Variants in GRIA4 observed in about 807,000 individuals in gnomAD.
GRIA4 encodes glutamate receptor 4.
GRIA4 carries 34 observed loss-of-function variants against 104.0 expected under a neutral mutation model. That is an observed-to-expected ratio of 0.33 (90% CI 0.25 to 0.44). The LOEUF (loss-of-function observed/expected upper bound fraction) is 0.44, where lower values mean the gene tolerates loss of function less well. GRIA4 is among the 20% of genes least tolerant of loss of function. The probability of loss-of-function intolerance (pLI) is 1.00; values close to 1 mark genes in which losing one functional copy is unlikely to be tolerated. For missense variants in GRIA4, 750 were observed against 1,096.5 expected (o/e 0.68, Z 4.46); for synonymous variants, 386 against 381.9 (o/e 1.01, Z -0.13).
chr11:105,787,650 A>AT (rs920167810), intron 4 of GRIA4, among the ~76,000 whole-genome samples: 16 of 112,346 alleles, frequency 1.4e-4, no homozygotes, highest in African/African-American at 5.6e-4. Context: ...TAATTTTTGT[A>AT]TTTTTTAGTA....
At position 105,674,927 on chromosome 11, in the gene GRIA4, C is replaced by A. The variant is rs75157918; in HGVS notation, c.247+62493C>A. On this transcript the variant is annotated intron_variant, in intron 3 of 16. Transcript: ENST00000282499. ...TCTTACAGATGAAAATATTAACCCTCTCTTCTTAATCCTCAGAGACTTGTG... is the reference window on the plus strand; with the variant it reads ...TCTTACAGATGAAAATATTAACCCTATCTTCTTAATCCTCAGAGACTTGTG... Among the ~76,000 whole-genome samples the A allele has an allele frequency of 7.8e-3, 1,185 of 152,040 alleles. 17 individuals are homozygous for A. The highest frequency in any genetic ancestry group is 0.044 in the East Asian group (229 of 5,172).
intron 4 of GRIA4, among the ~76,000 whole-genome samples, chr11:105,797,142 A>C (rs1942510299): frequency 6.6e-6 from 1 of 152,030 alleles, no homozygotes. Flanking sequence ...CCAGGAAGTA[A>C]AGGCTGCAGT....
At chr11:105,663,447 A>G (rs371919944) in intron 3 of GRIA4, among the ~76,000 whole-genome samples, 50 of 152,096 alleles carry the variant, frequency 3.3e-4, no homozygotes, top group African/African-American at 1.2e-3. Flanking sequence ...AGGAACTCAT[A>G]GTCTCACGGG....
At chr11:105,676,873 T>C (rs1385276524) in intron 3 of GRIA4, among the ~76,000 whole-genome samples, 1 of 151,766 alleles carries the variant, frequency 6.6e-6, no homozygotes, top group Non-Finnish European at 1.5e-5. Flanking sequence ...TACATAATCC[T>C]GTCTGTGTTA....
chr11:105,612,405 C>T lies in GRIA4; in HGVS notation c.218C>T (p.Thr73Ile). Reference sequence around the variant, plus strand: ...GTACCTCATGTGGACAACATTGAGACAGCCAACAGTTTTGCTGTAACAAAC... The same window carrying T: ...GTACCTCATGTGGACAACATTGAGATAGCCAACAGTTTTGCTGTAACAAAC... ...NLVPHVDNIE[T>I]ANSFAVTNAF... is the part of the protein sequence containing the mutation. The change falls in exon 3 of 17, where the codon ACA becomes ATA. Residue 73 changes from threonine to isoleucine, a missense_variant. Around this residue, in one of 3 missense-constraint regions of GRIA4, gnomAD observed 410 missense variants for 502.7 expected, o/e 0.82. Coordinates refer to ENST00000282499, the MANE Select transcript of GRIA4 (RefSeq NM_000829.4). The T allele has an allele frequency of 6.2e-7, 1 of 1,614,088 alleles. No individual in the cohort carries two copies. The highest frequency in any genetic ancestry group is 8.5e-7 in the Non-Finnish European group (1 of 1,179,936).
chr11:105,770,969 T>C (rs1440953385), intron 4 of GRIA4, among the ~76,000 whole-genome samples: 1 of 152,066 alleles, frequency 6.6e-6, no homozygotes, highest in Non-Finnish European at 1.5e-5. Context: ...TTTTCTTTCA[T>C]AGTCGAAGAT....
At chr11:105,705,813 A>G (rs1953676129) in intron 3 of GRIA4, among the ~76,000 whole-genome samples, 1 of 152,230 alleles carries the variant, frequency 6.6e-6, no homozygotes, top group Admixed American at 6.5e-5. Flanking sequence ...GGCAATGCCA[A>G]CTTGCACACC....
In GRIA4 at chr11:105,979,810, C is replaced by G; in HGVS notation, c.*71C>G. On this transcript the variant is annotated 3_prime_UTR_variant, in exon 17 of 17. Coordinates refer to ENST00000282499, the MANE Select transcript of GRIA4 (RefSeq NM_000829.4). ...GGTGGAAACGCAGCCCTGAGGGACA[C>G]GCCACGCGCGGGTCTTTGCTAAACC... 1 of 1,160,640 alleles carries G rather than the reference C, an allele frequency of 8.6e-7. No individual in the cohort carries two copies. The highest frequency in any genetic ancestry group is 1.4e-5 in the South Asian group (1 of 73,446). The allele number at this position is 1,160,640 out of a possible 1,614,324, so 71.9% of individuals were successfully genotyped here.
intron 3 of GRIA4, among the ~76,000 whole-genome samples, chr11:105,717,505 G>A (rs994397695): frequency 6.6e-6 from 1 of 151,710 alleles, no homozygotes; most frequent in Non-Finnish European, 1.5e-5. Context: ...ATATGTTTCT[G>A]AATTTCTAAA....
At chr11:105,722,030 G>A (rs1937857719) in intron 3 of GRIA4, among the ~76,000 whole-genome samples, 1 of 152,108 alleles carries the variant, frequency 6.6e-6, no homozygotes, top group African/African-American at 2.4e-5. Context: ...AGCTATTCTT[G>A]ATATCTTAAA....
intron 3 of GRIA4, among the ~76,000 whole-genome samples, chr11:105,750,484 A>C (rs533334979): frequency 3.9e-5 from 6 of 152,260 alleles, no homozygotes; most frequent in African/African-American, 1.2e-4. Context: ...GAAGAATGAC[A>C]GACAACTATG....
At chr11:105,736,596 A>G (rs541924279) in intron 3 of GRIA4, among the ~76,000 whole-genome samples, 1 of 152,232 alleles carries the variant, frequency 6.6e-6, no homozygotes, top group African/African-American at 2.4e-5. Flanking sequence ...AAGTTACTTT[A>G]TATACATAAT....
At chr11:105,628,841 C>T (rs143979289) in intron 3 of GRIA4, among the ~76,000 whole-genome samples, 4 of 152,006 alleles carry the variant, frequency 2.6e-5, no homozygotes, top group African/African-American at 9.7e-5. Context: ...GATTAGAAAA[C>T]AAGTTTCAAT....
intron 10 of GRIA4, among the ~76,000 whole-genome samples, chr11:105,916,600 T>C (rs1210268799): frequency 6.6e-6 from 1 of 152,158 alleles, no homozygotes; most frequent in Non-Finnish European, 1.5e-5. Flanking sequence ...AATGTTTGAT[T>C]AAATAACAAA....
chr11:105,797,605 T>C, intron 4 of GRIA4: 1 of 257,138 alleles, frequency 3.9e-6, no homozygotes, highest in Non-Finnish European at 7.9e-6. Flanking sequence ...TGCAGTGTCC[T>C]TCCCATCTGA....
chr11:105,804,779 G>A (rs923829053), intron 4 of GRIA4, among the ~76,000 whole-genome samples: 8 of 151,946 alleles, frequency 5.3e-5, no homozygotes, highest in African/African-American at 1.9e-4. Context: ...AGAAAAGCAT[G>A]TTTTACTTGA....
intron 3 of GRIA4, among the ~76,000 whole-genome samples, chr11:105,677,285 C>G (rs1377189290): frequency 6.6e-6 from 1 of 151,798 alleles, no homozygotes; most frequent in African/African-American, 2.4e-5. Flanking sequence ...AAGAGAAGGT[C>G]AGAGTGATAA....
chr11:105,922,617 A>G (rs1428826680), intron 11 of GRIA4, among the ~76,000 whole-genome samples: 2 of 152,152 alleles, frequency 1.3e-5, no homozygotes, highest in Non-Finnish European at 2.9e-5. Flanking sequence ...ATTAAAACTT[A>G]CTTTTAACTT....
intron 4 of GRIA4, among the ~76,000 whole-genome samples, chr11:105,799,162 T>C (rs1321377632): frequency 6.6e-6 from 1 of 151,554 alleles, no homozygotes; most frequent in Admixed American, 6.6e-5. Flanking sequence ...ACTAGGTGAG[T>C]ATGTTTAGAT....
Sources: allele counts gnomAD v4.1 joint callset (sites outside exome capture counted in the v4.1 genomes callset), GRCh38; gene constraint gnomAD v4.1.1; regional missense constraint gnomAD v4.1.1; transcripts MANE v1.5; gene names NCBI Gene and HGNC (gene_info 2026-07-23, HGNC 2026-07-21).